Variants in MARK2 observed in about 807,000 individuals in gnomAD.
MARK2 encodes serine/threonine-protein kinase MARK2.
A neutral mutation model predicts 89.8 loss-of-function variants in MARK2; 16 were observed. The ratio of observed to expected loss-of-function variants is 0.18; its 90% CI spans 0.12 to 0.27. The LOEUF is 0.27. Among genes scored for constraint, MARK2 ranks in the 10% least tolerant of loss-of-function variants. The probability of loss-of-function intolerance (pLI) is 1.00; values close to 1 mark genes in which losing one functional copy is unlikely to be tolerated. For synonymous variants in MARK2, 382 were observed against 399.5 expected (o/e 0.96, Z 0.52); for missense variants, 621 against 1,049.9 (o/e 0.59, Z 5.65).
chr11:63,905,549 A>G (rs1350094509), intron 16 of MARK2, among the ~76,000 whole-genome samples: 6 of 152,360 alleles, frequency 3.9e-5, no homozygotes, highest in African/African-American at 1.4e-4. Context: ...GGTGAAACCT[A>G]TAAATGAAAT....
Position 63,904,648 on chromosome 11 carries a change from C to T in MARK2, c.1677-138C>T, listed in dbSNP as rs943692524. 4.1e-6 allele frequency: 3 copies of T among 728,676 alleles called. No individual in the cohort carries two copies. The highest frequency in any genetic ancestry group is 7.3e-6 in the Non-Finnish European group (3 of 409,820). The allele number at this position is 728,676 out of a possible 1,614,324, so 45.1% of individuals were successfully genotyped here. On this transcript the variant is annotated intron_variant, in intron 15 of 18. Coordinates refer to ENST00000402010, the MANE Select transcript of MARK2 (RefSeq NM_001039469.3). This position sits in a 1 kb window ranked among gnomAD's most constrained non-coding sequence, Gnocchi z 6.3. Reference sequence around the variant, plus strand: ...CACCACTGTCCTCAGTAGTCACACCCTTCCTTCTGTGTCCTCGTGATGGCT... The same window carrying T: ...CACCACTGTCCTCAGTAGTCACACCTTTCCTTCTGTGTCCTCGTGATGGCT...
intron 1 of MARK2, among the ~76,000 whole-genome samples, chr11:63,844,355 A>G (rs944133070): frequency 1.3e-5 from 2 of 152,178 alleles, no homozygotes; most frequent in African/African-American, 4.8e-5. Flanking sequence ...ATGGTGGCAC[A>G]TGCCTGTGGT....
intron 1 of MARK2, among the ~76,000 whole-genome samples, chr11:63,891,386 G>A (rs1422824436): frequency 6.6e-6 from 1 of 152,224 alleles, no homozygotes; most frequent in Non-Finnish European, 1.5e-5. Context: ...GTACAATCTT[G>A]CTTGTGGTTG....
At chr11:63,897,125 A>G (rs965500956) in intron 3 of MARK2, among the ~76,000 whole-genome samples, 4 of 152,252 alleles carry the variant, frequency 2.6e-5, no homozygotes, top group African/African-American at 9.6e-5. Flanking sequence ...AGACAAGCCC[A>G]GAAAACCCCA....
At chr11:63,908,157 A>AC (rs1442269061) in intron 17 of MARK2, 103 bp from the exon 18 acceptor site, 1 of 1,062,292 alleles carries the variant, frequency 9.4e-7, no homozygotes, top group Middle Eastern at 2.2e-4. Context: ...GGTCCTGCCC[A>AC]CCCACTGGTG....
chr11:63,844,950 G>A (rs1463944886), intron 1 of MARK2, among the ~76,000 whole-genome samples: 1 of 152,170 alleles, frequency 6.6e-6, no homozygotes, highest in African/African-American at 2.4e-5. Context: ...TTTATGTCTA[G>A]AGTGCAGCCA....
intron 1 of MARK2, among the ~76,000 whole-genome samples, chr11:63,844,142 G>A (rs900053254): frequency 3.9e-5 from 6 of 152,278 alleles, no homozygotes; most frequent in Non-Finnish European, 8.8e-5. Context: ...CTTGGAGTTC[G>A]TAACCTTTGA....
intron 1 of MARK2, chr11:63,868,816 C>G (rs1477002698): frequency 6.6e-6 from 3 of 456,048 alleles, no homozygotes; most frequent in South Asian, 4.6e-5. Context: ...ATCATGTGGT[C>G]TGTCAGAAGG....
chr11:63,904,098 G>C lies in MARK2; in HGVS notation c.1627G>C (p.Ala543Pro). The change falls in exon 15 of 19, where the codon GCC becomes CCC. Residue 543 changes from alanine (A) to proline (P), a missense_variant. Around this residue, in one of 5 missense-constraint regions of MARK2, gnomAD observed 397 missense variants for 567.8 expected, o/e 0.70. Transcript: ENST00000402010. The surrounding 1 kb of genome is among the most constrained non-coding windows in gnomAD (Gnocchi z 6.3). ...GTCGGCCTCCGTGCACCCCAACAAG[G>C]CCTCTGGGCTGCCCCCCACGGAGAG... Reference protein sequence around the residue: ...SMSASVHPNKASGLPPTESNC... With the variant: ...SMSASVHPNKPSGLPPTESNC... 1 of 1,602,968 alleles carries C rather than the reference G, an allele frequency of 6.2e-7. No homozygotes were observed. Among genetic ancestry groups the C allele is most frequent in the East Asian group, 2.2e-5 (1 of 44,742 alleles).
intron 3 of MARK2, among the ~76,000 whole-genome samples, chr11:63,896,839 A>G (rs1195546385): frequency 1.3e-5 from 2 of 152,064 alleles, no homozygotes; most frequent in Non-Finnish European, 2.9e-5. Context: ...GGGGTAGGCC[A>G]TTTGGCCTTG....
chr11:63,907,630 C>G (rs1004737289), intron 17 of MARK2, among the ~76,000 whole-genome samples: 10 of 151,068 alleles, frequency 6.6e-5, no homozygotes, highest in Non-Finnish European at 1.0e-4. Context: ...GATGGCCTGG[C>G]AGGCCAGCAG....
Position 63,857,092 on chromosome 11 carries a change from T to C in MARK2, c.54+17532T>C, listed in dbSNP as rs575471230. On this transcript the variant is annotated intron_variant, in intron 1 of 18. Transcript: ENST00000402010. ...TCCCAAAGTGCTGGGATTGCAGGCATGAGCCACCACGCCCGGCCTAAATTT... is the reference window on the plus strand; with the variant it reads ...TCCCAAAGTGCTGGGATTGCAGGCACGAGCCACCACGCCCGGCCTAAATTT... Among the ~76,000 whole-genome samples the C allele has an allele frequency of 7.9e-5, 12 of 152,114 alleles. No individual in the cohort carries two copies. The East Asian group carries it at 1.9e-3, about 25-fold the overall frequency.
intron 1 of MARK2, among the ~76,000 whole-genome samples, chr11:63,856,396 T>C (rs969161815): frequency 6.6e-6 from 1 of 151,094 alleles, no homozygotes; most frequent in Non-Finnish European, 1.5e-5. Flanking sequence ...TAAATTTTTT[T>C]CTCATTTTCC....
chr11:63,866,811 G>T (rs571660217), intron 1 of MARK2, among the ~76,000 whole-genome samples: 43 of 152,298 alleles, frequency 2.8e-4, no homozygotes, highest in African/African-American at 1.0e-3. Flanking sequence ...ACTAGATTCA[G>T]AATTGTGTCT....
At chr11:63,908,005 C>T (rs557942658) in intron 17 of MARK2, among the ~76,000 whole-genome samples, 9 of 152,364 alleles carry the variant, frequency 5.9e-5, no homozygotes, top group Admixed American at 5.2e-4. Flanking sequence ...GCTCCTTCTC[C>T]CCGGCACAGA....
At chr11:63,842,495 T>C (rs1177881381) in intron 1 of MARK2, among the ~76,000 whole-genome samples, 1 of 152,076 alleles carries the variant, frequency 6.6e-6, no homozygotes, top group African/African-American at 2.4e-5. Context: ...TGTGAGCCAC[T>C]GCGCCGGGCC....
intron 1 of MARK2, among the ~76,000 whole-genome samples, chr11:63,874,556 A>C (rs868445636): frequency 6.6e-6 from 1 of 152,168 alleles, no homozygotes; most frequent in Non-Finnish European, 1.5e-5. Flanking sequence ...GGCATAGTTA[A>C]CTGGTTTGGT....
intron 1 of MARK2, among the ~76,000 whole-genome samples, chr11:63,859,637 CT>C (rs897753184): frequency 2.0e-4 from 29 of 142,780 alleles, no homozygotes; most frequent in African/African-American, 5.1e-4. Context: ...TTCTATCTTT[CT>C]TTTTTTTTTT....
chr11:63,871,109 T>C (rs958647775), intron 1 of MARK2, among the ~76,000 whole-genome samples: 1 of 152,208 alleles, frequency 6.6e-6, no homozygotes, highest in Non-Finnish European at 1.5e-5. Flanking sequence ...TGTGTGTGTG[T>C]ATATGCATAT....
Sources: allele counts gnomAD v4.1 joint callset (sites outside exome capture counted in the v4.1 genomes callset), GRCh38; gene constraint gnomAD v4.1.1; regional missense constraint gnomAD v4.1.1; non-coding constraint Gnocchi (gnomAD v3.1); transcripts MANE v1.5; gene names NCBI Gene and HGNC (gene_info 2026-07-23, HGNC 2026-07-21).